The following MTA1 variants were observed in gnomAD, a reference collection of about 807,000 sequenced individuals.
MTA1 encodes metastasis associated 1, also known as metastasis-associated protein MTA1.
A neutral mutation model predicts 97.0 loss-of-function variants in MTA1; 15 were observed. That is an observed-to-expected ratio of 0.15 (90% CI 0.10 to 0.24). The LOEUF is 0.24. Among genes scored for constraint, MTA1 ranks in the 10% least tolerant of loss-of-function variants. The pLI, the probability that MTA1 is intolerant of heterozygous loss-of-function variation, is 1.00. For synonymous variants in MTA1, 435 were observed against 417.5 expected, an observed-to-expected ratio of 1.04 and a Z score of -0.51; for missense variants, 709 against 1,015.1, an observed-to-expected ratio of 0.70 and a Z score of 4.10.
intron 2 of MTA1, among the ~76,000 whole-genome samples, chr14:105,444,231 C>T (rs587602381): frequency 7.9e-5 from 12 of 151,908 alleles, no homozygotes; most frequent in East Asian, 5.8e-4. Context: ...AAAAATTAGC[C>T]GGGCGTGGTG....
intron 1 of MTA1, among the ~76,000 whole-genome samples, chr14:105,436,610 G>T (rs781913490): frequency 7.9e-5 from 12 of 152,040 alleles, no homozygotes; most frequent in Admixed American, 1.3e-4. Flanking sequence ...AGGGCCTTCC[G>T]GTGCTGCAGA....
At position 105,462,792 on chromosome 14, in the gene MTA1, C is replaced by T. The variant is rs2083407953; in HGVS notation, c.943-392C>T. 2.0e-5 allele frequency among the ~76,000 whole-genome samples: 3 copies of T among 152,110 alleles called. No individual in the cohort carries two copies. In the South Asian group the frequency reaches 6.2e-4, roughly 31 times the overall value. On this transcript the variant is annotated intron_variant, in intron 10 of 20. Transcript: ENST00000331320. ...ACAGAGGCAGGAGAATTGCTTGAAC[C>T]CGGGAGGCAGAGGTTGCAGCGAGCC...
In MTA1 at chr14:105,469,936, G is replaced by A; in HGVS notation, c.1941G>A (p.Arg647=). The A allele has an allele frequency of 6.2e-7, 1 of 1,612,350 alleles. No homozygotes were observed. Among genetic ancestry groups the A allele is most frequent in the Non-Finnish European group, 8.5e-7 (1 of 1,179,772 alleles). ...CCCTGCCCCCAGTCAAGCGGCGGCG[G>A]ATGAACTGGATCGACGCCCCGGATG... ...GGSLPPVKRR[R]MNWIDAPDDV... The change falls in exon 20 of 21, where the codon CGG becomes CGA. Residue 647 remains arginine (R), a synonymous_variant. Coordinates refer to ENST00000331320, the MANE Select transcript of MTA1 (RefSeq NM_004689.4).
Position 105,470,309 on chromosome 14 carries a change from C to A in MTA1, c.*94C>A. On this transcript the variant is annotated 3_prime_UTR_variant, in exon 21 of 21. Coordinates refer to ENST00000331320, the MANE Select transcript of MTA1 (RefSeq NM_004689.4). ...CCGCCCGCCCCTCAGTTTGGTAGTGCCCCACCTCCCGCCCTCACCTGCAGA... is the reference window on the plus strand; with the variant it reads ...CCGCCCGCCCCTCAGTTTGGTAGTGACCCACCTCCCGCCCTCACCTGCAGA... The A allele has an allele frequency of 9.2e-7, 1 of 1,081,758 alleles. No individual in the cohort carries two copies. Among genetic ancestry groups the A allele is most frequent in the Non-Finnish European group, 1.2e-6 (1 of 823,270 alleles). 67.0% of individuals were successfully genotyped at this position (1,081,758 alleles called of 1,614,324 possible).
At chr14:105,425,736 G>A (rs1595256676) in intron 1 of MTA1, among the ~76,000 whole-genome samples, 3 of 150,734 alleles carry the variant, frequency 2.0e-5, no homozygotes, top group Middle Eastern at 6.8e-3. Flanking sequence ...TGTGCGGACT[G>A]GGGGATCTTG....
At chr14:105,458,477 C>G (rs1555430420) in intron 8 of MTA1, 105 bp downstream of exon 8, 3 of 1,040,372 alleles carry the variant, frequency 2.9e-6, no homozygotes, top group Non-Finnish European at 4.4e-6. Flanking sequence ...GATCCCATAT[C>G]CCAACAAGAA....
At chr14:105,447,599 A>G (rs1380268478) in intron 3 of MTA1, among the ~76,000 whole-genome samples, 3 of 152,146 alleles carry the variant, frequency 2.0e-5, no homozygotes, top group Non-Finnish European at 4.4e-5. Flanking sequence ...GCAGTGTCCC[A>G]GCTCGAGCAC....
At chr14:105,437,852 C>G (rs587624304) in intron 1 of MTA1, among the ~76,000 whole-genome samples, 2 of 152,206 alleles carry the variant, frequency 1.3e-5, no homozygotes, top group African/African-American at 4.8e-5. Flanking sequence ...CCTGGAGCAT[C>G]GGGGTGTCAG....
Position 105,420,497 on chromosome 14 carries a change from C to T in MTA1, c.28+434C>T, listed in dbSNP as rs1555420600. Among the ~76,000 whole-genome samples, 1 of 152,154 alleles carries T rather than the reference C, an allele frequency of 6.6e-6. No homozygotes were observed. Among genetic ancestry groups the T allele is most frequent in the South Asian group, 2.1e-4 (1 of 4,832 alleles). On this transcript the variant is annotated intron_variant, in intron 1 of 20. Coordinates refer to ENST00000331320, the MANE Select transcript of MTA1 (RefSeq NM_004689.4). The surrounding 1 kb of genome is among the most constrained non-coding windows in gnomAD (Gnocchi z 5.3). ...GCCCTGTGCTGGGACTCCGGTGCAT[C>T]CCCTCTGGGGATGGGGAGCCCCGGT...
chr14:105,421,073 GC>G (rs1181302651), intron 1 of MTA1, among the ~76,000 whole-genome samples: 1 of 152,154 alleles, frequency 6.6e-6, no homozygotes, highest in Non-Finnish European at 1.5e-5. Flanking sequence ...TGCCTTGGAC[GC>G]CGTGTGGTCT....
At chr14:105,447,874 G>A (rs2082771836) in intron 3 of MTA1, among the ~76,000 whole-genome samples, 1 of 152,178 alleles carries the variant, frequency 6.6e-6, no homozygotes, top group Non-Finnish European at 1.5e-5. Context: ...TGAGCTCATG[G>A]CAGCCAGGGT....
At chr14:105,421,647 C>T (rs587702233) in intron 1 of MTA1, among the ~76,000 whole-genome samples, 2 of 152,368 alleles carry the variant, frequency 1.3e-5, no homozygotes, top group South Asian at 2.1e-4. Context: ...TGGCTGCCCC[C>T]CCTCCAACCT....
intron 2 of MTA1, among the ~76,000 whole-genome samples, chr14:105,444,251 T>C (rs1261560737): frequency 6.6e-6 from 1 of 151,716 alleles, no homozygotes; most frequent in Admixed American, 6.6e-5. Context: ...GGTGGGCGCC[T>C]GTAGTCCCAG....
intron 1 of MTA1, among the ~76,000 whole-genome samples, chr14:105,426,375 C>CA (rs781801650): frequency 0.77 from 80,294 of 104,712 alleles, 30,275 homozygotes; most frequent in Middle Eastern, 0.86. Flanking sequence ...CTTCGTCTCA[C>CA]AAAAAAAAAA....
At chr14:105,451,900 C>T (rs966867766) in intron 6 of MTA1, among the ~76,000 whole-genome samples, 1 of 150,692 alleles carries the variant, frequency 6.6e-6, no homozygotes, top group Non-Finnish European at 1.5e-5. Context: ...AAGCGATTCT[C>T]CTGTCTCAGC....
At chr14:105,466,143 C>T (rs1269273434) in intron 16 of MTA1, 4 of 511,792 alleles carry the variant, frequency 7.8e-6, no homozygotes, top group African/African-American at 5.9e-5. Flanking sequence ...ATCCTGTTGT[C>T]CCGGGGCTGA....
intron 1 of MTA1, among the ~76,000 whole-genome samples, chr14:105,437,753 G>A (rs1555424772): frequency 6.6e-6 from 1 of 152,256 alleles, no homozygotes; most frequent in African/African-American, 2.4e-5. Flanking sequence ...CTGATGCAGG[G>A]TGGGCTGGCG....
At position 105,469,111 on chromosome 14, in the gene MTA1, C is replaced by T. The variant is rs587597512; in HGVS notation, c.1814-356C>T. On this transcript the variant is annotated intron_variant, in intron 18 of 20. Transcript: ENST00000331320. ...GGCTGCCCTGCAGAGGGGCTTGTGC[C>T]GCTGCTGGACTGACAGCCTTGCGAG... The T allele has an allele frequency of 4.2e-4, 214 of 507,930 alleles. 3 individuals are homozygous for T. The highest frequency in any genetic ancestry group is 3.0e-3 in the South Asian group (195 of 64,808). 31.5% of individuals were successfully genotyped at this position (507,930 alleles called of 1,614,324 possible).
rs782514513 is a variant in MTA1 at position 105,466,611 on chromosome 14, C to CTCCCCGCCCGGTGAGTCCGGCCCG, written c.1777+45_1778-61dup. ...GCCCCCCCGCCCGGTGAGTGTGGCCCTCCCCGCCCGGTGAGTCCGGCCCGT... is the reference window on the plus strand; with the variant it reads ...GCCCCCCCGCCCGGTGAGTGTGGCCCTCCCCGCCCGGTGAGTCCGGCCCGTCCCCGCCCGGTGAGTCCGGCCCGT... On this transcript the variant is annotated intron_variant, in intron 17 of 20. Transcript: ENST00000331320. 1.4e-5 allele frequency: 22 copies of CTCCCCGCCCGGTGAGTCCGGCCCG among 1,567,576 alleles called. No individual in the cohort carries two copies. The South Asian group carries it at 2.0e-4, about 14-fold the overall frequency.
Sources: allele counts gnomAD v4.1 joint callset (sites outside exome capture counted in the v4.1 genomes callset), GRCh38; gene constraint gnomAD v4.1.1; non-coding constraint Gnocchi (gnomAD v3.1); transcripts MANE v1.5; gene names NCBI Gene and HGNC (gene_info 2026-07-23, HGNC 2026-07-21).